The following ICE2 variants were observed in gnomAD, a reference collection of about 807,000 sequenced individuals.
ICE2 encodes interactor of little elongation complex ELL subunit 2.
A neutral mutation model predicts 105.4 loss-of-function variants in ICE2; 87 were observed. The observed-to-expected ratio is 0.83, with a 90% CI of 0.69 to 0.99. The LOEUF is 0.99. ICE2 is among the 50% of genes least tolerant of loss of function. ICE2 has a pLI of 0.00. For synonymous variants in ICE2, 399 were observed against 392.0 expected, an observed-to-expected ratio of 1.02 and a Z score of -0.21; for missense variants, 1,323 against 1,146.7, an observed-to-expected ratio of 1.15 and a Z score of -2.22.
At chr15:60,478,754 G>T (rs1176577602) in intron 1 of ICE2, 2 of 343,466 alleles carry the variant, frequency 5.8e-6, no homozygotes, top group Non-Finnish European at 1.2e-5. Context: ...GTGTGGAGCT[G>T]GGGGGGAATA....
chr15:60,451,552 A>G, intron 9 of ICE2: 1 of 981,702 alleles, frequency 1.0e-6, no homozygotes, highest in Non-Finnish European at 1.2e-6. Flanking sequence ...AGACTAATAG[A>G]CATTAAGAAG....
intron 12 of ICE2, 192 bp downstream of exon 12, chr15:60,442,224 T>C (rs1426181691): frequency 2.1e-6 from 1 of 468,690 alleles, no homozygotes; most frequent in Non-Finnish European, 3.7e-6. Flanking sequence ...GGCCAGGAGT[T>C]TGAGGTTACA....
At chr15:60,431,869 G>T in intron 14 of ICE2, 65 bp downstream of exon 14, 1 of 918,206 alleles carries the variant, frequency 1.1e-6, no homozygotes, top group Non-Finnish European at 1.7e-6. Context: ...CATTTTCAAA[G>T]TTTCTAAGAA....
rs887063849 is a variant in ICE2 at position 60,454,889 on chromosome 15, T to C, written c.943+114A>G. 38 of 932,796 alleles carry C rather than the reference T, an allele frequency of 4.1e-5. No individual in the cohort carries two copies. The Admixed American group carries it at 4.4e-4, about 11-fold the overall frequency. The allele number at this position is 932,796 out of a possible 1,614,324, so 57.8% of individuals were successfully genotyped here. ...CCCCCTGACAGGCCCCGGTGTGTGT[T>C]GTTTCACTCTCTGGGTCCATGTGTT... On this transcript the variant is annotated intron_variant, in intron 8 of 15. Transcript: ENST00000261520.
chr15:60,457,424 GTTGT>G (rs1342419498), intron 5 of ICE2, among the ~76,000 whole-genome samples: 3 of 152,112 alleles, frequency 2.0e-5, no homozygotes, highest in Non-Finnish European at 4.4e-5. Context: ...GTGGGGAAGA[GTTGT>G]TTGATTAAAA....
At chr15:60,475,570 G>A (rs1431963436) in intron 3 of ICE2, among the ~76,000 whole-genome samples, 1 of 152,120 alleles carries the variant, frequency 6.6e-6, no homozygotes, top group Non-Finnish European at 1.5e-5. Context: ...CATTAAGATT[G>A]AACTAAATGC....
intron 6 of ICE2, 29 bp from the exon 7 acceptor site, chr15:60,455,471 G>T (rs1277976405): frequency 1.2e-5 from 17 of 1,380,046 alleles, no homozygotes; most frequent in Non-Finnish European, 1.6e-5. Context: ...TCATTTTATT[G>T]CAAAAATCGC....
chr15:60,452,943 G>C (rs1266769882), intron 9 of ICE2: 1 of 985,312 alleles, frequency 1.0e-6, no homozygotes, highest in Non-Finnish European at 1.2e-6. Context: ...AAAACTCTTA[G>C]ATATGGGTCA....
At chr15:60,461,773 C>A (rs2064285359) in intron 5 of ICE2, among the ~76,000 whole-genome samples, 1 of 152,102 alleles carries the variant, frequency 6.6e-6, no homozygotes, top group African/African-American at 2.4e-5. Context: ...AACCCAGGAG[C>A]ATCCATAGTG....
Position 60,422,084 on chromosome 15 carries a change from A to G in ICE2, c.*1550T>C, listed in dbSNP as rs2063247023. On this transcript the variant is annotated 3_prime_UTR_variant, in exon 16 of 16. Transcript: ENST00000261520. ...CTTATATTTTACAAATGACATACAT[A>G]ATTTCTGAAAATTTTAGTGTAAGGG... 1 of 151,994 alleles carries G rather than the reference A, an allele frequency of 6.6e-6. No homozygotes were observed. The highest frequency in any genetic ancestry group is 1.5e-5 in the Non-Finnish European group (1 of 68,018). The allele number at this position is 151,994 out of a possible 1,614,324, so 9.4% of individuals were successfully genotyped here. A position where few individuals can be genotyped will look rare whatever the true frequency, so the allele number is the denominator to read the frequency against.
intron 12 of ICE2, 46 bp from the exon 13 acceptor site, chr15:60,436,273 T>TTA: frequency 1.4e-6 from 1 of 731,984 alleles, no homozygotes; most frequent in East Asian, 3.0e-5. Flanking sequence ...ATTGCAGTAT[T>TTA]TAGAAAAAAA....
Position 60,442,539 on chromosome 15 carries a change from G to A in ICE2, c.2302C>T (p.Pro768Ser). 1 of 1,562,894 alleles carries A rather than the reference G, an allele frequency of 6.4e-7. No homozygotes were observed. The highest frequency in any genetic ancestry group is 8.6e-7 in the Non-Finnish European group (1 of 1,164,042). The change falls in exon 12 of 16, where the codon CCA becomes TCA. Residue 768 changes from proline (P) to serine (S), a missense_variant. Pro to Ser is a moderately conservative substitution (Grantham distance 74). Transcript: ENST00000261520. Reference sequence around the variant, plus strand: ...TCTACTTTTGGTAGTACATAAACTGGAAATTGCTGCAATGCAAAATTATAC... The same window carrying A: ...TCTACTTTTGGTAGTACATAAACTGAAAATTGCTGCAATGCAAAATTATAC... ...KKRKKIRRQF[P>S]VYVLPKVEYQ...
At chr15:60,431,812 A>T (rs1480126507) in intron 14 of ICE2, 122 bp downstream of exon 14, 1 of 540,862 alleles carries the variant, frequency 1.8e-6, no homozygotes, top group East Asian at 3.8e-5. Flanking sequence ...CATTTGACAT[A>T]ATAATTTTTG....
At chr15:60,444,503 A>C (rs1294527022) in intron 11 of ICE2, among the ~76,000 whole-genome samples, 2 of 152,282 alleles carry the variant, frequency 1.3e-5, no homozygotes, top group South Asian at 2.1e-4. Context: ...TGGCTCCCCA[A>C]GTAAAAGCTT....
chr15:60,458,224 C>T (rs970122270), intron 5 of ICE2, among the ~76,000 whole-genome samples: 7 of 152,056 alleles, frequency 4.6e-5, no homozygotes, highest in African/African-American at 1.7e-4. Flanking sequence ...AATAATTTAT[C>T]TTTCTTTGAA....
intron 5 of ICE2, among the ~76,000 whole-genome samples, chr15:60,461,815 A>C (rs2064286389): frequency 6.6e-6 from 1 of 152,174 alleles, no homozygotes; most frequent in Admixed American, 6.5e-5. Context: ...ATCATTTCAC[A>C]CTAAAAGAAA....
rs1567017959 is a variant in ICE2, at chr15:60,476,138, GTCT to G, written c.68_70del (p.Lys23del). 6.2e-7 allele frequency: 1 copy of G among 1,604,528 alleles called. No individual in the cohort carries two copies. The highest frequency in any genetic ancestry group is 1.3e-5 in the African/African-American group (1 of 74,488). ...TTTATAATTTTCTCGAGAGAAAAAT[GTCT>G]TAAGGCCATTTTTGGGGGAAATATC... is the stretch of plus-strand genomic sequence containing the variant. On this transcript the variant is annotated inframe_deletion, in exon 3 of 16. Coordinates refer to ENST00000261520, the MANE Select transcript of ICE2 (RefSeq NM_024611.6).
Position 60,423,695 on chromosome 15 carries a change from C to G in ICE2, c.2888G>C (p.Cys963Ser), listed in dbSNP as rs150527283. Residue 963 changes from cysteine (C) to serine (S), a missense_variant, in exon 16 of 16, where the codon TGC becomes TCC. Transcript: ENST00000261520. Reference sequence around the variant, plus strand: ...AGTTTCAACTTGCTGAGCAGGCAAGCAACTGCTTTTGGTTTCCATGGAAAC... The same window carrying G: ...AGTTTCAACTTGCTGAGCAGGCAAGGAACTGCTTTTGGTTTCCATGGAAAC... ...NPVSMETKSS[C>S]LPAQQVETEG... The G allele has an allele frequency of 6.2e-7, 1 of 1,607,768 alleles. No homozygotes were observed. Among genetic ancestry groups the G allele is most frequent in the African/African-American group, 1.3e-5 (1 of 74,440 alleles).
At chr15:60,454,709 T>G (rs563441709) in intron 8 of ICE2, 1 of 252,772 alleles carries the variant, frequency 4.0e-6, no homozygotes, top group African/African-American at 2.2e-5. Context: ...AAATTTTACT[T>G]TAAGTTCGGG....
Sources: gnomAD v4.1 joint callset for allele counts (sites outside exome capture counted in the v4.1 genomes callset) on GRCh38, gnomAD v4.1.1 for gene constraint, MANE v1.5 for transcripts, NCBI Gene and HGNC (gene_info 2026-07-23, HGNC 2026-07-21) for gene names.